PDHX: variants seen among roughly 807,000 people sequenced by gnomAD.
PDHX encodes pyruvate dehydrogenase protein X component, mitochondrial.
In PDHX, 33 loss-of-function variants were observed where a neutral mutation model predicts 55.3. The observed-to-expected ratio is 0.60, with a 90% confidence interval of 0.45 to 0.80. The LOEUF (loss-of-function observed/expected upper bound fraction) is 0.80. Ranked by LOEUF, PDHX falls within the 30% of genes least tolerant of loss-of-function variation. The pLI is 0.00. For missense variants in PDHX, 622 were observed against 619.9 expected, an observed-to-expected ratio of 1.00 and a Z score of -0.04; for synonymous variants, 226 against 219.4, an observed-to-expected ratio of 1.03 and a Z score of -0.27.
chr11:34,963,225 A>G (rs1349482013), intron 5 of PDHX, among the ~76,000 whole-genome samples: 1 of 152,186 alleles, frequency 6.6e-6, no homozygotes, highest in African/African-American at 2.4e-5. Context: ...AGGCTTTGGC[A>G]TAGCTGTCCC....
intron 1 of PDHX, among the ~76,000 whole-genome samples, chr11:34,924,678 TCTC>T: frequency 6.6e-6 from 1 of 152,114 alleles, no homozygotes; most frequent in East Asian, 1.9e-4. Context: ...GTATTCTGCT[TCTC>T]CTTGAGTTTT....
chr11:34,948,310 T>C (rs947051414), intron 3 of PDHX, among the ~76,000 whole-genome samples: 5 of 152,198 alleles, frequency 3.3e-5, no homozygotes, highest in African/African-American at 1.2e-4. Context: ...ATAATTTGTA[T>C]TGGTTGGTTG....
chr11:34,937,898 A>G (rs927858407), intron 2 of PDHX, among the ~76,000 whole-genome samples: 1 of 152,202 alleles, frequency 6.6e-6, no homozygotes, highest in East Asian at 1.9e-4. Flanking sequence ...TCTCACCAAA[A>G]GTCACAATCC....
At chr11:34,972,103 ACT>A (rs1327716517) in intron 7 of PDHX, among the ~76,000 whole-genome samples, 6 of 151,082 alleles carry the variant, frequency 4.0e-5, no homozygotes, top group Admixed American at 1.3e-4. Flanking sequence ...TGTGTGTTTT[ACT>A]CTCTAGATCA....
intron 6 of PDHX, among the ~76,000 whole-genome samples, chr11:34,967,398 A>C (rs530255569): frequency 6.6e-6 from 1 of 152,318 alleles, no homozygotes; most frequent in South Asian, 2.1e-4. Context: ...AAGTTCCACA[A>C]CTTCAGTAAC....
At chr11:34,974,415 A>T (rs1204413875) in intron 7 of PDHX, among the ~76,000 whole-genome samples, 1 of 152,166 alleles carries the variant, frequency 6.6e-6, no homozygotes, top group Non-Finnish European at 1.5e-5. Context: ...GTGTTAATGG[A>T]TAAATACATT....
chr11:34,937,325 A>G (rs1854354964), intron 2 of PDHX, among the ~76,000 whole-genome samples: 1 of 152,112 alleles, frequency 6.6e-6, no homozygotes, highest in Admixed American at 6.5e-5. Flanking sequence ...TTTCAATGTT[A>G]AGTGGTGCTG....
At chr11:34,946,522 C>T (rs1280361135) in intron 2 of PDHX, among the ~76,000 whole-genome samples, 5 of 152,128 alleles carry the variant, frequency 3.3e-5, no homozygotes, top group Admixed American at 3.3e-4. Context: ...GTTTTAATGT[C>T]TTCCCTCCTA....
In PDHX at chr11:34,996,037, T is replaced by A. The variant is rs778661951; in HGVS notation, c.*865T>A. ...TTAATGCATTTAAATCAGTTTTGTA[T>A]TGTGCAGTAAAATGTGAGAAAATAT... On this transcript the variant is annotated 3_prime_UTR_variant, in exon 11 of 11. Coordinates refer to ENST00000227868, the MANE Select transcript of PDHX (RefSeq NM_003477.3). 2.0e-5 allele frequency: 3 copies of A among 152,198 alleles called. No homozygotes were observed. Among genetic ancestry groups the A allele is most frequent in the Non-Finnish European group, 4.4e-5 (3 of 68,012 alleles). 9.4% of individuals were successfully genotyped at this position (152,198 alleles called of 1,614,324 possible). A position where few individuals can be genotyped will look rare whatever the true frequency, so the allele number is the denominator to read the frequency against.
chr11:34,950,515 TC>T (rs1334810157), intron 3 of PDHX, among the ~76,000 whole-genome samples: 2 of 150,060 alleles, frequency 1.3e-5, no homozygotes, highest in African/African-American at 4.9e-5. Flanking sequence ...CCTAATGCTA[TC>T]CCTCCCCCTT....
chr11:34,918,441 GAA>G (rs144806314), intron 1 of PDHX, among the ~76,000 whole-genome samples: 83,357 of 147,652 alleles, frequency 0.56, 24,379 homozygotes, highest in East Asian at 0.82. Context: ...TGTCTCAGGA[GAA>G]AAAAAAAAAA....
chr11:34,933,084 T>C (rs1854217080), intron 2 of PDHX, among the ~76,000 whole-genome samples: 1 of 152,208 alleles, frequency 6.6e-6, no homozygotes, highest in Non-Finnish European at 1.5e-5. Flanking sequence ...TACAGAGTAA[T>C]GGAGGGAACC....
At position 34,936,141 on chromosome 11, in the gene PDHX, G is replaced by A. The variant is rs151215279; in HGVS notation, c.241+4657G>A. Among the ~76,000 whole-genome samples, 1,453 of 152,266 alleles carry A rather than the reference G, an allele frequency of 9.5e-3. 18 individuals are homozygous for A. Among genetic ancestry groups the A allele is most frequent in the African/African-American group, 0.033 (1,391 of 41,524 alleles). On this transcript the variant is annotated intron_variant, in intron 2 of 10. Coordinates refer to ENST00000227868, the MANE Select transcript of PDHX (RefSeq NM_003477.3). ...AGCTGGGGAGTTTGGGACAAGCAAG[G>A]CCTCACTTCTTTGAGGGAGTCTGGG...
chr11:34,974,664 C>A (rs941122519), intron 7 of PDHX, among the ~76,000 whole-genome samples: 2 of 152,128 alleles, frequency 1.3e-5, no homozygotes, highest in African/African-American at 4.8e-5. Context: ...GATGGCTCAT[C>A]CCTGTAATCC....
chr11:34,931,588 TTAAA>T (rs1425429910), intron 2 of PDHX, 104 bp downstream of exon 2: 7 of 687,804 alleles, frequency 1.0e-5, no homozygotes, highest in Non-Finnish European at 1.8e-5. Flanking sequence ...GTGATATAAA[TTAAA>T]TAAATTGTGT....
chr11:34,995,547 T>C lies in PDHX; in HGVS notation c.*375T>C, dbSNP rs1855842958. The C allele has an allele frequency of 7.0e-6, 2 of 287,400 alleles. No homozygotes were observed. The highest frequency in any genetic ancestry group is 6.8e-5 in the South Asian group (2 of 29,392). The allele number at this position is 287,400 out of a possible 1,614,324, so 17.8% of individuals were successfully genotyped here. A position where few individuals can be genotyped will look rare whatever the true frequency, so the allele number is the denominator to read the frequency against. ...AAAATTAAAAAAACTATTAGAACTG[T>C]ACCATAATTATGTTGAAGGTAGAAG... On this transcript the variant is annotated 3_prime_UTR_variant, in exon 11 of 11. Coordinates refer to ENST00000227868, the MANE Select transcript of PDHX (RefSeq NM_003477.3).
chr11:34,944,533 A>C (rs1854578254), intron 2 of PDHX, among the ~76,000 whole-genome samples: 1 of 152,230 alleles, frequency 6.6e-6, no homozygotes, highest in Non-Finnish European at 1.5e-5. Flanking sequence ...TTATTTTTAA[A>C]AATAACTTAT....
At chr11:34,982,998 GAT>G (rs1855552282) in intron 8 of PDHX, among the ~76,000 whole-genome samples, 1 of 152,196 alleles carries the variant, frequency 6.6e-6, no homozygotes, top group Non-Finnish European at 1.5e-5. Context: ...CAATATCCCT[GAT>G]GAACATCGAT....
At chr11:34,944,632 G>A (rs1402016899) in intron 2 of PDHX, among the ~76,000 whole-genome samples, 3 of 152,208 alleles carry the variant, frequency 2.0e-5, no homozygotes, top group East Asian at 1.9e-4. Context: ...TACTGTGAAC[G>A]TTCAGAGCAT....
Sources: allele counts gnomAD v4.1 joint callset (sites outside exome capture counted in the v4.1 genomes callset), GRCh38; gene constraint gnomAD v4.1.1; transcripts MANE v1.5; gene names NCBI Gene and HGNC (gene_info 2026-07-23, HGNC 2026-07-21).